ZBBX: variants seen among roughly 807,000 people sequenced by gnomAD.
ZBBX encodes zinc finger B-box domain-containing protein 1.
ZBBX carries 101 observed loss-of-function variants against 108.5 expected under a neutral mutation model. The ratio of observed to expected loss-of-function variants is 0.93; its 90% CI spans 0.79 to 1.10. The LOEUF (loss-of-function observed/expected upper bound fraction) is 1.10. Among genes scored for constraint, ZBBX ranks in the 50% least tolerant of loss-of-function variants. The probability of loss-of-function intolerance (pLI) is 0.00; values close to 1 mark genes in which losing one functional copy is unlikely to be tolerated. For missense variants in ZBBX, 1,009 were observed against 941.4 expected, an observed-to-expected ratio of 1.07 and a Z score of -0.94; for synonymous variants, 356 against 323.4, an observed-to-expected ratio of 1.10 and a Z score of -1.08.
the ZBBX span, among the ~76,000 whole-genome samples, chr3:167,205,173 T>C: frequency 1.3e-5 from 2 of 152,124 alleles, no homozygotes; most frequent in Admixed American, 6.6e-5. Flanking sequence ...TGACCCCTCA[T>C]TAAAACCGTG....
chr3:167,213,534 T>A, the ZBBX span, among the ~76,000 whole-genome samples: 1 of 152,218 alleles, frequency 6.6e-6, no homozygotes, highest in Non-Finnish European at 1.5e-5. Flanking sequence ...CTCCAACAAT[T>A]ATGGGGTTTC....
Position 167,359,927 on chromosome 3 carries a change from T to C in ZBBX, c.375A>G (p.Glu125=). 6.3e-7 allele frequency: 1 copy of C among 1,589,284 alleles called. No individual in the cohort carries two copies. The highest frequency in any genetic ancestry group is 8.6e-7 in the Non-Finnish European group (1 of 1,166,320). ...NYKMANSSEC[E]KPKINGKVCG... is the part of the protein sequence containing the mutation. ...ATACTTTCCCATTTATCTTGGGTTT[T>C]TCACATTCTGAAGAATTTGCCATTT... is the stretch of plus-strand genomic sequence containing the variant. Residue 125 remains glutamate, a synonymous_variant, in exon 8 of 22, where the codon GAA becomes GAG. Coordinates refer to ENST00000675490, the MANE Select transcript of ZBBX (RefSeq NM_001199201.2).
At chr3:167,246,089 G>C (rs142226340) in intron 20 of ZBBX, among the ~76,000 whole-genome samples, 2,127 of 152,254 alleles carry the variant, frequency 0.014, 27 homozygotes, top group South Asian at 0.026. Flanking sequence ...GAAATTAAGA[G>C]TAGCATCTGC....
chr3:167,297,200 A>G (rs563966458), intron 18 of ZBBX, among the ~76,000 whole-genome samples: 1 of 152,134 alleles, frequency 6.6e-6, no homozygotes, highest in African/African-American at 2.4e-5. Flanking sequence ...TATCTCACCA[A>G]TCATTTTTTT....
rs560748303 is a variant in ZBBX at position 167,286,207 on chromosome 3, G to A, written c.1996+2660C>T. 8.5e-5 allele frequency among the ~76,000 whole-genome samples: 13 copies of A among 152,226 alleles called. 1 individual carries two copies. The South Asian group carries it at 2.7e-3, about 32-fold the overall frequency. ...AGGTAAGATCTAATTCTAAGGCTAA[G>A]AAGTGAGTAAGAGAGTGGCTTAAGA... On this transcript the variant is annotated intron_variant, in intron 19 of 21. Coordinates refer to ENST00000675490, the MANE Select transcript of ZBBX (RefSeq NM_001199201.2).
chr3:167,351,117 G>A (rs1489846902), intron 8 of ZBBX, among the ~76,000 whole-genome samples: 1 of 151,600 alleles, frequency 6.6e-6, no homozygotes, highest in Admixed American at 6.6e-5. Context: ...AAAAATACTA[G>A]ATGGAACTAC....
the ZBBX span, among the ~76,000 whole-genome samples, chr3:167,230,575 A>T: frequency 6.6e-6 from 1 of 151,822 alleles, no homozygotes; most frequent in Admixed American, 6.6e-5. Flanking sequence ...TCATTCAAGA[A>T]TCTAGGGGGA....
intron 2 of ZBBX, among the ~76,000 whole-genome samples, chr3:167,379,123 A>T (rs1189303205): frequency 1.3e-5 from 2 of 152,122 alleles, no homozygotes; most frequent in Non-Finnish European, 2.9e-5. Context: ...TACGGAAAAA[A>T]TTAAACACGC....
At chr3:167,314,572 T>C (rs765773809) in intron 15 of ZBBX, among the ~76,000 whole-genome samples, 3 of 152,222 alleles carry the variant, frequency 2.0e-5, no homozygotes, top group East Asian at 3.8e-4. Flanking sequence ...TCTATATGCA[T>C]AGTTACAATT....
At chr3:167,312,622 T>C (rs1734783214) in intron 16 of ZBBX, among the ~76,000 whole-genome samples, 1 of 152,164 alleles carries the variant, frequency 6.6e-6, no homozygotes, top group Admixed American at 6.5e-5. Context: ...ATTTCAAAAA[T>C]GTGTCTTTAA....
chr3:167,309,533 C>G (rs1734228519), intron 16 of ZBBX, among the ~76,000 whole-genome samples: 1 of 152,260 alleles, frequency 6.6e-6, no homozygotes. Flanking sequence ...CTGTGACTCA[C>G]AGGCCCAACA....
intron 18 of ZBBX, among the ~76,000 whole-genome samples, chr3:167,294,390 C>T (rs1482375328): frequency 6.6e-6 from 1 of 152,066 alleles, no homozygotes; most frequent in Non-Finnish European, 1.5e-5. Flanking sequence ...AGAAATTATG[C>T]CACACATCTA....
At chr3:167,289,182 A>T (rs1312739347) in intron 18 of ZBBX, among the ~76,000 whole-genome samples, 199 bp from the exon 19 acceptor site, 2 of 152,160 alleles carry the variant, frequency 1.3e-5, no homozygotes, top group African/African-American at 4.8e-5. Context: ...AAAATTTAAA[A>T]AGTATATAAC....
At chr3:167,354,787 G>T (rs1016104633) in intron 8 of ZBBX, among the ~76,000 whole-genome samples, 1 of 151,846 alleles carries the variant, frequency 6.6e-6, no homozygotes, top group Non-Finnish European at 1.5e-5. Context: ...AACTGAAAAT[G>T]AGTTTCAGCA....
At chr3:167,239,682 A>G (rs1438260691), downstream of ZBBX, among the ~76,000 whole-genome samples, 1 of 152,132 alleles carries the variant, frequency 6.6e-6, no homozygotes, top group Non-Finnish European at 1.5e-5. Context: ...GCTATTAGTT[A>G]CATTTGAGGG....
intron 20 of ZBBX, among the ~76,000 whole-genome samples, chr3:167,267,152 C>CA (rs1725666188): frequency 6.6e-6 from 1 of 152,210 alleles, no homozygotes; most frequent in South Asian, 2.1e-4. Flanking sequence ...TGCGGTTCCA[C>CA]GGTCACCTCA....
intron 15 of ZBBX, among the ~76,000 whole-genome samples, chr3:167,315,154 C>G (rs1735227658): frequency 6.6e-6 from 1 of 152,114 alleles, no homozygotes. Context: ...TTTACAAATC[C>G]TGAAGTTTCA....
At chr3:167,227,545 CT>C in the ZBBX span, among the ~76,000 whole-genome samples, 577 of 151,748 alleles carry the variant, frequency 3.8e-3, 2 homozygotes, top group Middle Eastern at 0.024. Context: ...CTTGGTCTTA[CT>C]CAAATCTAAC....
chr3:167,261,121 G>C (rs1359608398), intron 20 of ZBBX, among the ~76,000 whole-genome samples: 2 of 152,192 alleles, frequency 1.3e-5, no homozygotes, highest in East Asian at 1.9e-4. Context: ...GCCACCCAGA[G>C]AGTCTACCTG....
Sources: gnomAD v4.1 joint callset for allele counts (sites outside exome capture counted in the v4.1 genomes callset) on GRCh38, gnomAD v4.1.1 for gene constraint, MANE v1.5 for transcripts, NCBI Gene and HGNC (gene_info 2026-07-23, HGNC 2026-07-21) for gene names.